The following TBXAS1 variants were observed in gnomAD, a reference collection of about 807,000 sequenced individuals.
TBXAS1 encodes the protein thromboxane-A synthase.
A neutral mutation model predicts 60.7 loss-of-function variants in TBXAS1; 48 were observed. That is an observed-to-expected ratio of 0.79 (90% CI 0.63 to 1.01). TBXAS1 has a LOEUF of 1.01. Ranked by LOEUF, TBXAS1 falls within the 50% of genes least tolerant of loss-of-function variation. The pLI is 0.00. For missense variants in TBXAS1, 685 were observed against 686.3 expected (o/e 1.00, Z 0.02); for synonymous variants, 287 against 269.7 (o/e 1.06, Z -0.63).
intron 4 of TBXAS1, among the ~76,000 whole-genome samples, chr7:139,807,111 G>A (rs942908671): frequency 5.3e-5 from 8 of 152,192 alleles, no homozygotes; most frequent in African/African-American, 1.9e-4. Context: ...GTGGGCAGAT[G>A]ATCTCTCCCT....
chr7:140,007,115 G>A lies in TBXAS1; in HGVS notation c.1159G>A (p.Glu387Lys), dbSNP rs3735354. 1,884 of 1,614,064 alleles carry A rather than the reference G, an allele frequency of 1.2e-3. 9 individuals carry two copies. The East Asian group carries it at 0.014, about 12-fold the overall frequency. The change falls in exon 10 of 13, where the codon GAG (glutamate) becomes AAG (lysine). Residue 387 changes from glutamate (E) to lysine (K), a missense_variant. Physicochemically the swap from Glu to Lys is moderately conservative, Grantham distance 56 (BLOSUM62 1). Transcript: ENST00000448866. ...GATGGCCCCTGAGTTCTGCAGCCTC[G>A]AGGAAGGCCTGCCCTATCTGGACAT... ...KHMAPEFCSL[E>K]EGLPYLDMVI... is the part of the protein sequence containing the mutation.
intron 4 of TBXAS1, among the ~76,000 whole-genome samples, chr7:139,792,308 A>G (rs1797413491): frequency 1.3e-5 from 2 of 152,192 alleles, no homozygotes; most frequent in South Asian, 2.1e-4. Flanking sequence ...CCAAAACCAC[A>G]AGGCTAAGAC....
chr7:139,981,093 T>A (rs55657327), intron 9 of TBXAS1, among the ~76,000 whole-genome samples: 1 of 151,950 alleles, frequency 6.6e-6, no homozygotes, highest in Non-Finnish European at 1.5e-5. Flanking sequence ...ACGGATGGCT[T>A]GTTGTTGTTT....
chr7:139,905,341 G>C (rs1364361898), intron 3 of TBXAS1, among the ~76,000 whole-genome samples: 2 of 152,026 alleles, frequency 1.3e-5, no homozygotes, highest in African/African-American at 4.8e-5. Flanking sequence ...GCTAGATTTT[G>C]TTGAATACTT....
intron 9 of TBXAS1, among the ~76,000 whole-genome samples, chr7:139,994,516 G>C (rs985351042): frequency 6.6e-6 from 1 of 152,064 alleles, no homozygotes; most frequent in Non-Finnish European, 1.5e-5. Flanking sequence ...GGCAAAGGAG[G>C]CTTTTTTTTT....
chr7:139,877,189 C>T (rs893034167), intron 3 of TBXAS1, among the ~76,000 whole-genome samples: 2 of 152,174 alleles, frequency 1.3e-5, no homozygotes, highest in South Asian at 2.1e-4. Flanking sequence ...GTGTACTCCT[C>T]GGATGGACGA....
intron 9 of TBXAS1, among the ~76,000 whole-genome samples, chr7:139,984,693 GAAGAAAGAAAAAGAAAGAGGAAGGAAGGA>G (rs1812258345): frequency 2.0e-5 from 2 of 98,166 alleles, no homozygotes; most frequent in Non-Finnish European, 4.3e-5. Flanking sequence ...AAGAAAGAAA[GAAGAAAGAAAAAGAAAGAGGAAGGAAGGA>G]AAAGAAAGAA....
At chr7:139,817,054 A>T (rs761234413) in intron 4 of TBXAS1, among the ~76,000 whole-genome samples, 1 of 152,134 alleles carries the variant, frequency 6.6e-6, no homozygotes, top group Non-Finnish European at 1.5e-5. Context: ...TGTCCTTCCC[A>T]ATCAGTTGCC....
intron 9 of TBXAS1, among the ~76,000 whole-genome samples, chr7:139,984,636 G>GGGAGAA (rs1554503287): frequency 0.01 from 717 of 70,970 alleles, 80 homozygotes; most frequent in South Asian, 0.029. Flanking sequence ...GAGAGAGAGA[G>GGGAGAA]AGAGAGAAAG....
chr7:139,955,836 C>T (rs768493849), intron 7 of TBXAS1, among the ~76,000 whole-genome samples: 5 of 152,198 alleles, frequency 3.3e-5, no homozygotes, highest in Non-Finnish European at 7.3e-5. Flanking sequence ...GTGGCCCCAC[C>T]GCCATGGTGA....
chr7:139,844,782 A>G (rs1337496304), intron 1 of TBXAS1, among the ~76,000 whole-genome samples: 1 of 152,194 alleles, frequency 6.6e-6, no homozygotes, highest in African/African-American at 2.4e-5. Flanking sequence ...CTCATGATCT[A>G]AGAGCGTACC....
rs1805950525 is a variant in TBXAS1, at chr7:139,916,160, T to A, written c.333+4839T>A. 6.6e-6 allele frequency among the ~76,000 whole-genome samples: 1 copy of A among 152,080 alleles called. No individual in the cohort carries two copies. The highest frequency in any genetic ancestry group is 6.6e-5 in the Admixed American group (1 of 15,262). Reference sequence around the variant, plus strand: ...AGGGCAGCTCTTTTTTAAATATCTGTGGAAAATGGAGCTGAGTCCACATGA... The same window carrying A: ...AGGGCAGCTCTTTTTTAAATATCTGAGGAAAATGGAGCTGAGTCCACATGA... On this transcript the variant is annotated intron_variant, in intron 4 of 12. Transcript: ENST00000448866. This position sits in a 1 kb window ranked among gnomAD's most constrained non-coding sequence, Gnocchi z 4.2.
chr7:140,001,620 G>C (rs901573807), intron 9 of TBXAS1, among the ~76,000 whole-genome samples: 1 of 152,080 alleles, frequency 6.6e-6, no homozygotes, highest in African/African-American at 2.4e-5. Context: ...CGAACTCCTG[G>C]CCTCAAGTGA....
intron 3 of TBXAS1, among the ~76,000 whole-genome samples, chr7:139,899,903 G>A (rs1028735535): frequency 6.6e-6 from 1 of 152,166 alleles, no homozygotes; most frequent in African/African-American, 2.4e-5. Flanking sequence ...CAAGGACCTG[G>A]GCTGGGGTCA....
Position 139,805,732 on chromosome 7 carries a change from T to TCTCTC in TBXAS1, c.-80+18306_-80+18307insCTCTC, listed in dbSNP as rs1569492548. On this transcript the variant is annotated intron_variant, in intron 4 of 16. Coordinates refer to the TBXAS1 transcript ENST00000336425. ...TTTCTTTCTCTCTCTCTCTCTCTCT[T>TCTCTC]TCTTTCTTTCTTTCTTTCTTTCTTG... Among the ~76,000 whole-genome samples the TCTCTC allele has an allele frequency of 7.0e-3, 523 of 74,452 alleles. 11 individuals are homozygous for TCTCTC. The highest frequency in any genetic ancestry group is 0.026 in the South Asian group (48 of 1,830). 48.8% of individuals were successfully genotyped at this position (74,452 alleles called of 152,430 possible). A position where few individuals can be genotyped will look rare whatever the true frequency, so the allele number is the denominator to read the frequency against.
chr7:139,853,595 G>A (rs570001716), intron 1 of TBXAS1, among the ~76,000 whole-genome samples: 1 of 151,930 alleles, frequency 6.6e-6, no homozygotes, highest in Admixed American at 6.5e-5. Flanking sequence ...GAAGCATCCT[G>A]TAACTGTTTC....
rs575675815 is a variant in TBXAS1 at position 139,875,791 on chromosome 7, C to T, written c.236+154C>T. ...TCAAAGGGCCCACAAAGAGGGAGTC[C>T]TGCAGTACAGACAAGGCTTCTAGAG... On this transcript the variant is annotated intron_variant, in intron 3 of 12. Coordinates refer to ENST00000448866, the MANE Select transcript of TBXAS1 (RefSeq NM_001061.7). The T allele has an allele frequency of 1.2e-4, 117 of 994,632 alleles. No homozygotes were observed. The South Asian group carries it at 1.5e-3, about 13-fold the overall frequency. 61.6% of individuals were successfully genotyped at this position (994,632 alleles called of 1,614,324 possible). A position where few individuals can be genotyped will look rare whatever the true frequency, so the allele number is the denominator to read the frequency against.
At chr7:139,864,269 A>G (rs550464991) in intron 1 of TBXAS1, among the ~76,000 whole-genome samples, 1 of 151,970 alleles carries the variant, frequency 6.6e-6, no homozygotes, top group East Asian at 1.9e-4. Context: ...AGGTGCTCCT[A>G]TACATGAGCA....
At chr7:139,904,357 T>C (rs935306410) in intron 3 of TBXAS1, among the ~76,000 whole-genome samples, 2 of 152,100 alleles carry the variant, frequency 1.3e-5, no homozygotes, top group Non-Finnish European at 2.9e-5. Flanking sequence ...GGCCTTATAG[T>C]ATAGTTTGAA....
Sources: allele counts gnomAD v4.1 joint callset (sites outside exome capture counted in the v4.1 genomes callset), GRCh38; gene constraint gnomAD v4.1.1; non-coding constraint Gnocchi (gnomAD v3.1); transcripts MANE v1.5; gene names NCBI Gene and HGNC (gene_info 2026-07-23, HGNC 2026-07-21).